SPAG16: variants seen among roughly 807,000 people sequenced by gnomAD.
SPAG16 encodes the protein sperm associated antigen 16, also known as sperm-associated antigen 16 protein.
SPAG16 carries 86 observed loss-of-function variants against 80.4 expected under a neutral mutation model. That is an observed-to-expected ratio of 1.07 (90% CI 0.90 to 1.28). The LOEUF is 1.28. Ranked by LOEUF, SPAG16 falls within the 50% of genes most tolerant of loss-of-function variation. The probability of loss-of-function intolerance (pLI) is 0.00; values close to 1 mark genes in which losing one functional copy is unlikely to be tolerated. For missense variants in SPAG16, 870 were observed against 765.3 expected, an observed-to-expected ratio of 1.14 and a Z score of -1.61; for synonymous variants, 294 against 265.9, an observed-to-expected ratio of 1.11 and a Z score of -1.03.
chr2:213,868,975 G>A (rs1206125041), intron 11 of SPAG16, among the ~76,000 whole-genome samples: 1 of 151,904 alleles, frequency 6.6e-6, no homozygotes, highest in East Asian at 1.9e-4. Context: ...CATGGGACTG[G>A]GCATGGTGGC....
chr2:214,135,065 GT>G (rs760415636), intron 14 of SPAG16, among the ~76,000 whole-genome samples: 7 of 152,116 alleles, frequency 4.6e-5, no homozygotes, highest in Non-Finnish European at 7.3e-5. Flanking sequence ...ATTTATCCTA[GT>G]GTTCCGCTCC....
At chr2:213,358,579 G>A (rs1254283625) in intron 7 of SPAG16, among the ~76,000 whole-genome samples, 25 of 152,228 alleles carry the variant, frequency 1.6e-4, no homozygotes, top group Non-Finnish European at 2.1e-4. Context: ...GCATCACAAC[G>A]TTTTCGTGCT....
chr2:214,156,564 G>T (rs576159585), intron 15 of SPAG16, among the ~76,000 whole-genome samples: 46 of 152,262 alleles, frequency 3.0e-4, no homozygotes, highest in South Asian at 1.7e-3. Flanking sequence ...AGGATCTCTT[G>T]GCCAGGAGTT....
At chr2:214,017,582 T>C (rs796380773) in intron 13 of SPAG16, among the ~76,000 whole-genome samples, 12 of 152,294 alleles carry the variant, frequency 7.9e-5, no homozygotes, top group African/African-American at 2.9e-4. Context: ...CTCATATATA[T>C]CTGCCTTGAA....
intron 11 of SPAG16, among the ~76,000 whole-genome samples, chr2:213,903,761 G>A (rs1252244928): frequency 1.3e-5 from 2 of 152,042 alleles, no homozygotes; most frequent in Non-Finnish European, 1.5e-5. Context: ...TTTTTTGAAC[G>A]TTTATGCTCT....
chr2:213,542,145 G>C, intron 10 of SPAG16, among the ~76,000 whole-genome samples: 1 of 152,300 alleles, frequency 6.6e-6, no homozygotes, highest in East Asian at 1.9e-4. Context: ...ATGGGAAACT[G>C]TCTCATATAT....
At chr2:213,427,383 T>C (rs1375444738) in intron 9 of SPAG16, among the ~76,000 whole-genome samples, 1 of 152,208 alleles carries the variant, frequency 6.6e-6, no homozygotes, top group East Asian at 1.9e-4. Flanking sequence ...AGTTTTTTGT[T>C]TATCACATTT....
chr2:213,298,748 A>AT (rs1276691605), intron 3 of SPAG16, among the ~76,000 whole-genome samples: 1 of 152,196 alleles, frequency 6.6e-6, no homozygotes, highest in African/African-American at 2.4e-5. Context: ...TTATCAATTT[A>AT]TTGGAAGCTT....
intron 12 of SPAG16, among the ~76,000 whole-genome samples, chr2:213,937,881 A>G (rs2079050723): frequency 6.6e-6 from 1 of 152,036 alleles, no homozygotes. Context: ...ATACCAATAT[A>G]CATGGATCAA....
chr2:213,523,929 C>T (rs2075783835), intron 10 of SPAG16, among the ~76,000 whole-genome samples: 1 of 152,184 alleles, frequency 6.6e-6, no homozygotes, highest in East Asian at 1.9e-4. Flanking sequence ...GAAAAGAAAA[C>T]CCCATTTTCT....
chr2:213,467,548 G>A (rs1401786500), intron 9 of SPAG16, among the ~76,000 whole-genome samples: 2 of 152,250 alleles, frequency 1.3e-5, no homozygotes, highest in Non-Finnish European at 2.9e-5. Flanking sequence ...TCATAGGCAT[G>A]CTAAGGGAGG....
intron 15 of SPAG16, among the ~76,000 whole-genome samples, chr2:214,274,962 C>T (rs960251591): frequency 1.3e-5 from 2 of 151,992 alleles, no homozygotes; most frequent in Admixed American, 1.3e-4. Context: ...TAATTATTGC[C>T]TCAATTTCAT....
intron 10 of SPAG16, among the ~76,000 whole-genome samples, chr2:213,761,008 T>A (rs571345210): frequency 6.6e-6 from 1 of 152,300 alleles, no homozygotes; most frequent in South Asian, 2.1e-4. Flanking sequence ...CACTCACCCC[T>A]TATTTGGCTC....
At chr2:213,484,808 C>T (rs147920110) in intron 9 of SPAG16, among the ~76,000 whole-genome samples, 6 of 152,080 alleles carry the variant, frequency 3.9e-5, no homozygotes, top group African/African-American at 4.8e-5. Flanking sequence ...ATATTTAAAT[C>T]GAACTTCTTC....
chr2:213,790,556 ATAT>A (rs1354849634), intron 10 of SPAG16, among the ~76,000 whole-genome samples: 1 of 151,862 alleles, frequency 6.6e-6, no homozygotes, highest in Non-Finnish European at 1.5e-5. Flanking sequence ...TATATTTAAA[ATAT>A]TAATATTAGT....
chr2:213,957,781 G>A (rs576532121), intron 12 of SPAG16, among the ~76,000 whole-genome samples: 1 of 152,144 alleles, frequency 6.6e-6, no homozygotes, highest in Non-Finnish European at 1.5e-5. Context: ...GGTTACCATA[G>A]AGATTACATT....
chr2:213,597,557 C>A (rs1339611577), intron 10 of SPAG16, among the ~76,000 whole-genome samples: 1 of 152,000 alleles, frequency 6.6e-6, no homozygotes, highest in Non-Finnish European at 1.5e-5. Flanking sequence ...GATTTTAATT[C>A]AAAACTTCAT....
intron 14 of SPAG16, among the ~76,000 whole-genome samples, chr2:214,139,789 C>A (rs1489644513): frequency 6.6e-6 from 1 of 152,132 alleles, no homozygotes; most frequent in Non-Finnish European, 1.5e-5. Context: ...GTTTGAAGCC[C>A]AGTATACTGT....
intron 10 of SPAG16, among the ~76,000 whole-genome samples, chr2:213,604,915 ATTTAT>A (rs1439596770): frequency 2.0e-5 from 3 of 148,798 alleles, no homozygotes; most frequent in African/African-American, 4.9e-5. Context: ...TTTTGTAAAT[ATTTAT>A]TTTATTTATA....
Sources: allele counts gnomAD v4.1 joint callset (sites outside exome capture counted in the v4.1 genomes callset), GRCh38; gene constraint gnomAD v4.1.1; transcripts MANE v1.5; gene names NCBI Gene and HGNC (gene_info 2026-07-23, HGNC 2026-07-21).